Variants in CNTNAP5 observed in about 807,000 individuals in gnomAD.
The protein encoded by CNTNAP5 is contactin associated protein family member 5, also known as contactin-associated protein-like 5.
CNTNAP5 carries 72 observed loss-of-function variants against 150.2 expected under a neutral mutation model. The observed-to-expected ratio is 0.48, with a 90% CI of 0.40 to 0.58. The LOEUF (loss-of-function observed/expected upper bound fraction) is 0.58, where lower values mean the gene tolerates loss of function less well. Ranked by LOEUF, CNTNAP5 falls within the 20% of genes least tolerant of loss-of-function variation. CNTNAP5 has a pLI of 0.00. For synonymous variants in CNTNAP5, 672 were observed against 619.8 expected, an observed-to-expected ratio of 1.08 and a Z score of -1.25; for missense variants, 1,636 against 1,626.2, an observed-to-expected ratio of 1.01 and a Z score of -0.10.
chr2:124,382,318 GT>G (rs1690817077), intron 3 of CNTNAP5, among the ~76,000 whole-genome samples: 1 of 152,088 alleles, frequency 6.6e-6, no homozygotes. Flanking sequence ...GTCTGTTTCT[GT>G]TATGTTCTAA....
At chr2:124,451,077 T>TATATATATATATAC (rs755084840) in intron 6 of CNTNAP5, among the ~76,000 whole-genome samples, 2 of 61,536 alleles carry the variant, frequency 3.3e-5, no homozygotes, top group African/African-American at 1.4e-4. Context: ...TATATATATA[T>TATATATATATATAC]ACACACACAC....
chr2:124,731,521 C>G (rs13386677), intron 13 of CNTNAP5, among the ~76,000 whole-genome samples: 38,524 of 149,178 alleles, frequency 0.26, 5,499 homozygotes, highest in Non-Finnish European at 0.34. Flanking sequence ...TCAGAGGGAA[C>G]AAGAAAGGTA....
intron 3 of CNTNAP5, among the ~76,000 whole-genome samples, chr2:124,316,804 C>CAAAAAAA (rs56812690): frequency 1.4e-3 from 75 of 54,706 alleles, no homozygotes; most frequent in African/African-American, 3.5e-3. Context: ...GACTCCATCT[C>CAAAAAAA]AAAAAAAAAA....
At position 124,654,318 on chromosome 2, in the gene CNTNAP5, C is replaced by T. The variant is rs1162985628; in HGVS notation, c.2077+6360C>T. Reference sequence around the variant, plus strand: ...CTGTTTCAAATCCAAAGGGTAATGTCAGTTTATGTAAGTCAGGCTAAACCA... The same window carrying T: ...CTGTTTCAAATCCAAAGGGTAATGTTAGTTTATGTAAGTCAGGCTAAACCA... On this transcript the variant is annotated intron_variant, in intron 13 of 23. Transcript: ENST00000682447. 2.0e-5 allele frequency among the ~76,000 whole-genome samples: 3 copies of T among 152,110 alleles called. No individual in the cohort carries two copies. In the East Asian group the frequency reaches 5.8e-4, roughly 29 times the overall value.
At chr2:124,401,524 G>GA (rs1691425801) in intron 3 of CNTNAP5, among the ~76,000 whole-genome samples, 1 of 152,172 alleles carries the variant, frequency 6.6e-6, no homozygotes, top group Non-Finnish European at 1.5e-5. Context: ...ACTTTATTCA[G>GA]AAACTTCATT....
intron 3 of CNTNAP5, among the ~76,000 whole-genome samples, chr2:124,257,354 T>C (rs955674266): frequency 1.3e-5 from 2 of 152,220 alleles, no homozygotes; most frequent in Non-Finnish European, 2.9e-5. Context: ...CACAGCAGCC[T>C]GCACACAATA....
At chr2:124,499,697 C>T (rs865859663) in intron 7 of CNTNAP5, among the ~76,000 whole-genome samples, 2 of 152,182 alleles carry the variant, frequency 1.3e-5, no homozygotes, top group African/African-American at 2.4e-5. Context: ...CCCTCCAGCA[C>T]CTTCCTCAGT....
At chr2:124,872,287 A>C (rs2104728193) in intron 21 of CNTNAP5, among the ~76,000 whole-genome samples, 1 of 151,828 alleles carries the variant, frequency 6.6e-6, no homozygotes, top group East Asian at 1.9e-4. Flanking sequence ...TTTGTCTCTG[A>C]TAATTCCAAC....
intron 3 of CNTNAP5, among the ~76,000 whole-genome samples, chr2:124,337,796 G>A (rs1461887114): frequency 6.6e-6 from 1 of 151,902 alleles, no homozygotes; most frequent in Non-Finnish European, 1.5e-5. Flanking sequence ...ATAGTTTGAA[G>A]TCAGGTAGTG....
chr2:124,791,687 T>A (rs1681731894), intron 18 of CNTNAP5, among the ~76,000 whole-genome samples: 1 of 147,328 alleles, frequency 6.8e-6, no homozygotes, highest in Non-Finnish European at 1.5e-5. Flanking sequence ...AAATGTAGCC[T>A]AATTTCTTTT....
intron 7 of CNTNAP5, among the ~76,000 whole-genome samples, chr2:124,488,131 T>C (rs148369047): frequency 6.6e-6 from 1 of 151,992 alleles, no homozygotes; most frequent in Admixed American, 6.6e-5. Flanking sequence ...ACACCGAAAA[T>C]CAGAAAGAAA....
At chr2:124,872,587 C>G (rs758324658) in intron 21 of CNTNAP5, among the ~76,000 whole-genome samples, 1 of 150,398 alleles carries the variant, frequency 6.6e-6, no homozygotes, top group Non-Finnish European at 1.5e-5. Flanking sequence ...TTTTTCTGAA[C>G]AGAGAAGAAA....
At chr2:124,902,134 T>C (rs550576896) in intron 21 of CNTNAP5, among the ~76,000 whole-genome samples, 11 of 152,236 alleles carry the variant, frequency 7.2e-5, no homozygotes, top group African/African-American at 2.6e-4. Context: ...ATTGACTCTT[T>C]TAAGAAAAAG....
intron 10 of CNTNAP5, among the ~76,000 whole-genome samples, chr2:124,549,714 T>A (rs932808905): frequency 6.6e-6 from 1 of 152,214 alleles, no homozygotes; most frequent in African/African-American, 2.4e-5. Flanking sequence ...CAAAAGTAGG[T>A]ATAATTGCTT....
chr2:124,154,258 A>C (rs561194387), intron 1 of CNTNAP5, among the ~76,000 whole-genome samples: 23 of 152,238 alleles, frequency 1.5e-4, no homozygotes, highest in African/African-American at 5.3e-4. Flanking sequence ...ATGTCTGCTG[A>C]GTTTGTATTC....
chr2:124,533,859 A>G (rs1695171813), intron 10 of CNTNAP5, among the ~76,000 whole-genome samples: 1 of 152,204 alleles, frequency 6.6e-6, no homozygotes, highest in Non-Finnish European at 1.5e-5. Flanking sequence ...ACAGCTGCTG[A>G]CAAGCATAAC....
At chr2:124,520,295 A>G (rs76419643) in intron 8 of CNTNAP5, among the ~76,000 whole-genome samples, 3,193 of 152,332 alleles carry the variant, frequency 0.021, 58 homozygotes, top group South Asian at 0.034. Flanking sequence ...AATTTTTGCT[A>G]TTGTAAATAA....
At chr2:124,481,178 C>T (rs909078266) in intron 7 of CNTNAP5, among the ~76,000 whole-genome samples, 2 of 152,162 alleles carry the variant, frequency 1.3e-5, no homozygotes, top group South Asian at 2.1e-4. Context: ...TCCTTCCTCA[C>T]GTGGTAGAAA....
At chr2:124,594,860 G>C (rs1192095052) in intron 11 of CNTNAP5, among the ~76,000 whole-genome samples, 8 of 102,496 alleles carry the variant, frequency 7.8e-5, no homozygotes, top group Non-Finnish European at 1.6e-4. Flanking sequence ...CACATCCCTT[G>C]TAAGTTGGAT....
Sources: gnomAD v4.1 joint callset for allele counts (sites outside exome capture counted in the v4.1 genomes callset) on GRCh38, gnomAD v4.1.1 for gene constraint, MANE v1.5 for transcripts, NCBI Gene and HGNC (gene_info 2026-07-23, HGNC 2026-07-21) for gene names.